Variants in PCDHA8 observed in about 807,000 individuals in gnomAD.
The protein encoded by PCDHA8 is protocadherin alpha 8, also known as protocadherin alpha-8.
In PCDHA8, 53 loss-of-function variants were observed where a neutral mutation model predicts 61.8. The observed-to-expected ratio is 0.86, with a 90% confidence interval of 0.69 to 1.08. The LOEUF (loss-of-function observed/expected upper bound fraction) is 1.08, where lower values mean the gene tolerates loss of function less well. Ranked by LOEUF, PCDHA8 falls within the 50% of genes least tolerant of loss-of-function variation. The pLI, the probability that PCDHA8 is intolerant of heterozygous loss-of-function variation, is 0.00. For synonymous variants in PCDHA8, 618 were observed against 556.6 expected (o/e 1.11, Z -1.55); for missense variants, 1,293 against 1,245.0 (o/e 1.04, Z -0.58).
At chr5:140,925,124 A>AGGAAGGAAGGAAGG (rs1554202565) in intron 1 of PCDHA8, among the ~76,000 whole-genome samples, 2 of 151,856 alleles carry the variant, frequency 1.3e-5, no homozygotes, top group African/African-American at 2.4e-5. Context: ...GAAGGAAGGA[A>AGGAAGGAAGGAAGG]AAAAAATTTC....
intron 1 of PCDHA8, among the ~76,000 whole-genome samples, chr5:140,948,853 C>T (rs1385628610): frequency 6.6e-6 from 1 of 151,298 alleles, no homozygotes; most frequent in Non-Finnish European, 1.5e-5. Context: ...TATTTGCCTT[C>T]TTATATTACT....
rs539900578 is a variant in PCDHA8, at chr5:140,868,861, T to C, written c.2394+25146T>C. Reference sequence around the variant, plus strand: ...ACACGTGAAATTCTGTGGTGGTAAATGCAGTGCACAGTACTCACAGTTTTA... The same window carrying C: ...ACACGTGAAATTCTGTGGTGGTAAACGCAGTGCACAGTACTCACAGTTTTA... On this transcript the variant is annotated intron_variant, in intron 1 of 3. Coordinates refer to ENST00000531613, the MANE Select transcript of PCDHA8 (RefSeq NM_018911.3). 7 of 525,402 alleles carry C rather than the reference T, an allele frequency of 1.3e-5. No homozygotes were observed. In the Admixed American group the frequency reaches 2.2e-4, roughly 17 times the overall value. 32.5% of individuals were successfully genotyped at this position (525,402 alleles called of 1,614,324 possible). A position where few individuals can be genotyped will look rare whatever the true frequency, so the allele number is the denominator to read the frequency against.
chr5:140,979,157 A>G (rs2096837413), intron 2 of PCDHA8, 150 bp downstream of exon 2: 9 of 1,429,186 alleles, frequency 6.3e-6, no homozygotes, highest in Non-Finnish European at 8.3e-6. Context: ...CCCCATGTTT[A>G]TTCCTTGAAA....
Position 141,009,950 on chromosome 5 carries a change from G to C in PCDHA8, c.*13G>C, listed in dbSNP as rs782235440. On this transcript the variant is annotated 3_prime_UTR_variant, in exon 4 of 4. Coordinates refer to ENST00000531613, the MANE Select transcript of PCDHA8 (RefSeq NM_018911.3). ...CAGTGACCAGTGAGGTCCTCAAATGGAAACAAGCCACTTAGCCAGTTTTTG... is the reference window on the plus strand; with the variant it reads ...CAGTGACCAGTGAGGTCCTCAAATGCAAACAAGCCACTTAGCCAGTTTTTG... 12 of 1,593,098 alleles carry C rather than the reference G, an allele frequency of 7.5e-6. No individual in the cohort carries two copies. In the East Asian group the frequency reaches 2.5e-4, roughly 33 times the overall value.
intron 1 of PCDHA8, chr5:140,864,797 G>C (rs868909450): frequency 1.3e-5 from 2 of 152,026 alleles, no homozygotes; most frequent in Non-Finnish European, 2.9e-5. Flanking sequence ...AATATTTTAG[G>C]GTAGGAAAAT....
chr5:140,863,385 G>T (rs782510264), intron 1 of PCDHA8: 7 of 1,030,746 alleles, frequency 6.8e-6, no homozygotes, highest in Non-Finnish European at 1.0e-5. Context: ...CCGAGAGCTC[G>T]TGCATGCCGG....
At chr5:140,880,349 TGAATTTA>T in intron 1 of PCDHA8, among the ~76,000 whole-genome samples, 1 of 152,224 alleles carries the variant, frequency 6.6e-6, no homozygotes, top group East Asian at 1.9e-4. Flanking sequence ...AGGCAGCAGG[TGAATTTA>T]GATGAAAACC....
intron 1 of PCDHA8, chr5:140,857,929 G>A: frequency 1.3e-6 from 2 of 1,597,764 alleles, no homozygotes; most frequent in Non-Finnish European, 1.7e-6. Flanking sequence ...GGCTGTACAC[G>A]GGCGAGATCA....
rs574473083 is a variant in PCDHA8, at chr5:140,908,105, C to T, written c.2394+64390C>T. ...CAGGTGCACTGATTGAAGTTCTGTC[C>T]ACTGGGAAGATTTCCCTTCACTGCT... is the stretch of plus-strand genomic sequence containing the variant. On this transcript the variant is annotated intron_variant, in intron 1 of 3. Coordinates refer to ENST00000531613, the MANE Select transcript of PCDHA8 (RefSeq NM_018911.3). Among the ~76,000 whole-genome samples the T allele has an allele frequency of 5.3e-5, 8 of 152,304 alleles. No individual in the cohort carries two copies. In the East Asian group the frequency reaches 1.4e-3, roughly 26 times the overall value.
At chr5:140,997,897 A>C (rs13175095) in intron 3 of PCDHA8, among the ~76,000 whole-genome samples, 9,880 of 152,266 alleles carry the variant, frequency 0.065, 363 homozygotes, top group East Asian at 0.12. Flanking sequence ...GATAAATTTC[A>C]AGAAGTAGAA....
intron 1 of PCDHA8, among the ~76,000 whole-genome samples, chr5:140,898,043 T>A (rs1554187781): frequency 6.6e-6 from 1 of 152,148 alleles, no homozygotes; most frequent in African/African-American, 2.4e-5. Context: ...GTTGTTTGTT[T>A]TTTTCTTGTA....
In PCDHA8 at chr5:140,944,191, G is replaced by T. The variant is rs181232402; in HGVS notation, c.2395-34758G>T. The stretch of plus-strand genomic sequence containing the variant: ...GGCTGGTTTTTTGTTGGTTTGTTTT[G>T]TTTTGTTTTGTTTTTAAAGAGGGTT... On this transcript the variant is annotated intron_variant, in intron 1 of 3. Coordinates refer to ENST00000531613, the MANE Select transcript of PCDHA8 (RefSeq NM_018911.3). 9.2e-5 allele frequency among the ~76,000 whole-genome samples: 14 copies of T among 152,098 alleles called. No individual in the cohort carries two copies. The East Asian group carries it at 2.5e-3, about 27-fold the overall frequency.
At chr5:140,925,138 CA>C (rs2153576707) in intron 1 of PCDHA8, among the ~76,000 whole-genome samples, 1 of 151,676 alleles carries the variant, frequency 6.6e-6, no homozygotes, top group South Asian at 2.1e-4. Flanking sequence ...AAATTTCAAA[CA>C]TACACAAAAG....
chr5:140,883,230 A>T (rs1554177225), intron 1 of PCDHA8: 1 of 1,614,082 alleles, frequency 6.2e-7, no homozygotes, highest in African/African-American at 1.3e-5. Flanking sequence ...ATATCCGTGG[A>T]GGCAGTTGAC....
chr5:140,844,637 A>T (rs2150372920), intron 1 of PCDHA8, among the ~76,000 whole-genome samples: 34 of 149,574 alleles, frequency 2.3e-4, no homozygotes, highest in African/African-American at 8.3e-4. Context: ...ACTATACATG[A>T]TAATTTCATT....
At chr5:140,941,210 TC>T (rs2092849552) in intron 1 of PCDHA8, among the ~76,000 whole-genome samples, 1 of 100,630 alleles carries the variant, frequency 9.9e-6, no homozygotes, top group African/African-American at 5.4e-5. Flanking sequence ...TTCCTTTCTT[TC>T]TTCCTTTCTT....
intron 1 of PCDHA8, among the ~76,000 whole-genome samples, chr5:140,953,275 C>G (rs1290645865): frequency 6.6e-6 from 1 of 152,074 alleles, no homozygotes; most frequent in African/African-American, 2.4e-5. Context: ...AGCCTTTGCT[C>G]TTTATATGTG....
intron 1 of PCDHA8, chr5:140,927,843 C>T (rs1563097859): frequency 1.2e-6 from 2 of 1,614,186 alleles, no homozygotes; most frequent in Non-Finnish European, 1.7e-6. Context: ...ACGAAGGTGT[C>T]TTTGGTTTAG....
At chr5:140,920,405 A>T (rs1253203896) in intron 1 of PCDHA8, among the ~76,000 whole-genome samples, 1 of 152,118 alleles carries the variant, frequency 6.6e-6, no homozygotes, top group Non-Finnish European at 1.5e-5. Context: ...TCTTTTTTTA[A>T]TCAGATACAG....
Sources: gnomAD v4.1 joint callset for allele counts (sites outside exome capture counted in the v4.1 genomes callset) on GRCh38, gnomAD v4.1.1 for gene constraint, MANE v1.5 for transcripts, NCBI Gene and HGNC (gene_info 2026-07-23, HGNC 2026-07-21) for gene names.